PAK5: variants seen among roughly 807,000 people sequenced by gnomAD.
The protein encoded by PAK5 is p21 (RAC1) activated kinase 5, also known as serine/threonine-protein kinase PAK 5.
In PAK5, 16 loss-of-function variants were observed where a neutral mutation model predicts 65.9. The ratio of observed to expected loss-of-function variants is 0.24; its 90% CI spans 0.16 to 0.37. PAK5 has a LOEUF of 0.37. Ranked by LOEUF, PAK5 falls within the 10% of genes least tolerant of loss-of-function variation. The pLI, the probability that PAK5 is intolerant of heterozygous loss-of-function variation, is 1.00. For synonymous variants in PAK5, 371 were observed against 354.9 expected, an observed-to-expected ratio of 1.05 and a Z score of -0.51; for missense variants, 785 against 903.9, an observed-to-expected ratio of 0.87 and a Z score of 1.69.
intron 1 of PAK5, among the ~76,000 whole-genome samples, chr20:9,828,989 C>G (rs891054163): frequency 3.3e-5 from 5 of 152,282 alleles, no homozygotes; most frequent in South Asian, 4.1e-4. Context: ...GGGGTATGAA[C>G]CAGTGCTTTA....
intron 8 of PAK5, among the ~76,000 whole-genome samples, chr20:9,542,975 T>C (rs1396051591): frequency 6.6e-6 from 1 of 152,250 alleles, no homozygotes; most frequent in Non-Finnish European, 1.5e-5. Context: ...AGTTTAGTGC[T>C]TTCATTTTTA....
chr20:9,563,282 C>T (rs1057248039), intron 5 of PAK5, among the ~76,000 whole-genome samples: 5 of 152,150 alleles, frequency 3.3e-5, no homozygotes, highest in African/African-American at 1.2e-4. Flanking sequence ...ACAAGTAGAA[C>T]CAAAGCAAGA....
chr20:9,711,358 T>C lies in PAK5; in HGVS notation c.-84A>G, dbSNP rs1272771751. 2 of 152,214 alleles carry C rather than the reference T, an allele frequency of 1.3e-5. No homozygotes were observed. Among genetic ancestry groups the C allele is most frequent in the African/African-American group, 4.8e-5 (2 of 41,452 alleles). 9.4% of individuals were successfully genotyped at this position (152,214 alleles called of 1,614,324 possible). On this transcript the variant is annotated 5_prime_UTR_variant, in exon 2 of 10. Transcript: ENST00000353224. ...CTATTTCTATTCTGCAACTTTTCGC[T>C]GGTGCTTGTCAGTCTTCTTCATTTT...
At chr20:9,665,795 G>A (rs372530345) in intron 2 of PAK5, among the ~76,000 whole-genome samples, 38 of 151,988 alleles carry the variant, frequency 2.5e-4, no homozygotes, top group African/African-American at 8.9e-4. Context: ...TGCATGGCTG[G>A]TCATTTTTCT....
intron 1 of PAK5, among the ~76,000 whole-genome samples, chr20:9,825,396 GC>G (rs1417604193): frequency 6.6e-6 from 1 of 152,054 alleles, no homozygotes; most frequent in Non-Finnish European, 1.5e-5. Flanking sequence ...GATTTTTCCA[GC>G]CATTCTACAG....
At chr20:9,601,616 T>G (rs1471839394) in intron 3 of PAK5, among the ~76,000 whole-genome samples, 2 of 152,190 alleles carry the variant, frequency 1.3e-5, no homozygotes, top group Non-Finnish European at 2.9e-5. Flanking sequence ...TATCTCACCG[T>G]CTGCATGTGA....
chr20:9,670,751 T>C (rs36147893), intron 2 of PAK5, among the ~76,000 whole-genome samples: 9 of 152,192 alleles, frequency 5.9e-5, no homozygotes, highest in Non-Finnish European at 1.0e-4. Context: ...GTAGTTTCTT[T>C]CACTGTGCAG....
At chr20:9,667,055 T>A (rs930793141) in intron 2 of PAK5, among the ~76,000 whole-genome samples, 15 of 152,156 alleles carry the variant, frequency 9.9e-5, no homozygotes, top group Non-Finnish European at 1.5e-5. Context: ...GGCTGGTGGA[T>A]CACTTGAGGT....
rs2045197611 is a variant in PAK5, at chr20:9,537,980, T to C, written c.*1482A>G. On this transcript the variant is annotated 3_prime_UTR_variant, in exon 10 of 10. Coordinates refer to ENST00000353224, the MANE Select transcript of PAK5 (RefSeq NM_177990.4). ...TATCACAAATTTAAATTCATATTTG[T>C]TACAGTATGTGAAATAGTTAAGAAA... 1 of 231,858 alleles carries C rather than the reference T, an allele frequency of 4.3e-6. No homozygotes were observed. Among genetic ancestry groups the C allele is most frequent in the Non-Finnish European group, 8.5e-6 (1 of 117,084 alleles). 14.4% of individuals were successfully genotyped at this position (231,858 alleles called of 1,614,324 possible). A position where few individuals can be genotyped will look rare whatever the true frequency, so the allele number is the denominator to read the frequency against.
intron 2 of PAK5, among the ~76,000 whole-genome samples, chr20:9,651,381 C>A: frequency 6.6e-6 from 1 of 152,116 alleles, no homozygotes; most frequent in East Asian, 1.9e-4. Flanking sequence ...GGCTGAAGTG[C>A]CATCTCTCAT....
intron 1 of PAK5, among the ~76,000 whole-genome samples, chr20:9,813,477 A>G (rs567536406): frequency 6.6e-6 from 1 of 152,194 alleles, no homozygotes; most frequent in Non-Finnish European, 1.5e-5. Context: ...AGGCAAATAC[A>G]TACCACATAG....
intron 2 of PAK5, among the ~76,000 whole-genome samples, chr20:9,696,244 T>C (rs984381469): frequency 1.3e-5 from 2 of 152,078 alleles, no homozygotes; most frequent in African/African-American, 4.8e-5. Flanking sequence ...GTTCTCAAGG[T>C]GCAACCTCTG....
rs2122956987 is a variant in PAK5, at chr20:9,557,751, A to C, written c.1617-17T>G. The C allele has an allele frequency of 6.2e-7, 1 of 1,607,736 alleles. No homozygotes were observed. Among genetic ancestry groups the C allele is most frequent in the East Asian group, 2.2e-5 (1 of 44,768 alleles). On this transcript the variant is annotated splice_polypyrimidine_tract_variant and intron_variant, in intron 6 of 9. Coordinates refer to ENST00000353224, the MANE Select transcript of PAK5 (RefSeq NM_177990.4). ...TCATTCATTCTGGAAAGGAAATAAC[A>C]TTTAAGGAACAAGACAGGTTTAAGA...
At chr20:9,833,829 T>C (rs907563886) in intron 1 of PAK5, among the ~76,000 whole-genome samples, 2 of 152,178 alleles carry the variant, frequency 1.3e-5, no homozygotes, top group Non-Finnish European at 2.9e-5. Context: ...TGAGTAAAAT[T>C]GTATAGCTTT....
chr20:9,641,754 C>T (rs757019961), intron 3 of PAK5, among the ~76,000 whole-genome samples: 197 of 152,236 alleles, frequency 1.3e-3, no homozygotes, highest in Middle Eastern at 3.4e-3. Context: ...AGCTAAGGCC[C>T]GGCGAGAAAT....
chr20:9,747,012 G>A (rs914603074), intron 1 of PAK5, among the ~76,000 whole-genome samples: 8 of 152,182 alleles, frequency 5.3e-5, no homozygotes, highest in Non-Finnish European at 1.0e-4. Flanking sequence ...TATCACCACC[G>A]ATCCCACAGG....
At chr20:9,723,112 A>G (rs1327200842) in intron 1 of PAK5, among the ~76,000 whole-genome samples, 1 of 152,190 alleles carries the variant, frequency 6.6e-6, no homozygotes, top group Non-Finnish European at 1.5e-5. Context: ...CAGCGGGTGC[A>G]TGATCTAACT....
At chr20:9,613,541 A>T (rs2046602912) in intron 3 of PAK5, among the ~76,000 whole-genome samples, 1 of 152,220 alleles carries the variant, frequency 6.6e-6, no homozygotes, top group Non-Finnish European at 1.5e-5. Flanking sequence ...CACAGTGACT[A>T]TCAGAGAAAA....
chr20:9,585,163 T>C (rs2046047408), intron 3 of PAK5, among the ~76,000 whole-genome samples: 1 of 152,248 alleles, frequency 6.6e-6, no homozygotes, highest in Non-Finnish European at 1.5e-5. Flanking sequence ...TCTATCCATC[T>C]TAAACAATAT....
Sources: allele counts gnomAD v4.1 joint callset (sites outside exome capture counted in the v4.1 genomes callset), GRCh38; gene constraint gnomAD v4.1.1; transcripts MANE v1.5; gene names NCBI Gene and HGNC (gene_info 2026-07-23, HGNC 2026-07-21).